Variants in SHC4 observed in about 807,000 individuals in gnomAD.
The protein encoded by SHC4 is SHC adaptor protein 4, also known as SHC-transforming protein 4.
SHC4 carries 41 observed loss-of-function variants against 69.4 expected under a neutral mutation model. The ratio of observed to expected loss-of-function variants is 0.59; its 90% CI spans 0.46 to 0.77. The LOEUF (loss-of-function observed/expected upper bound fraction) is 0.77. Among genes scored for constraint, SHC4 ranks in the 30% least tolerant of loss-of-function variants. SHC4 has a pLI of 0.00. For synonymous variants in SHC4, 318 were observed against 299.3 expected (o/e 1.06, Z -0.64); for missense variants, 777 against 783.8 (o/e 0.99, Z 0.10).
intron 9 of SHC4, among the ~76,000 whole-genome samples, chr15:48,846,536 G>A (rs1899095892): frequency 6.6e-6 from 1 of 152,006 alleles, no homozygotes; most frequent in South Asian, 2.1e-4. Flanking sequence ...TCTTTTTCAG[G>A]AAGCCTTCCC....
At chr15:48,839,239 T>G (rs924831175) in intron 10 of SHC4, among the ~76,000 whole-genome samples, 7 of 152,240 alleles carry the variant, frequency 4.6e-5, no homozygotes, top group Non-Finnish European at 8.8e-5. Flanking sequence ...GCCTCTAAGC[T>G]AATAAAATGG....
rs796148959 is a variant in SHC4, at chr15:48,848,014, AAAACAAAAAAAAC to A, written c.1303+3161_1303+3173del. ...CAAAACTCCGTCTAAAAAAAAAAAAAAAACAAAAAAAACAAACAAAAAAAACATAAAAACATAT... is the reference window on the plus strand; with the variant it reads ...CAAAACTCCGTCTAAAAAAAAAAAAAAAACAAAAAAAACATAAAAACATAT... On this transcript the variant is annotated intron_variant, in intron 9 of 11. Coordinates refer to ENST00000332408, the MANE Select transcript of SHC4 (RefSeq NM_203349.4). Among the ~76,000 whole-genome samples the A allele has an allele frequency of 3.2e-3, 479 of 151,030 alleles. 9 individuals carry two copies. In the East Asian group the frequency reaches 0.07, roughly 22 times the overall value.
intron 2 of SHC4, among the ~76,000 whole-genome samples, chr15:48,919,751 A>G (rs1248058373): frequency 1.3e-5 from 2 of 152,118 alleles, no homozygotes; most frequent in African/African-American, 2.4e-5. Context: ...CTCCTTAGAT[A>G]GGACTTCCTG....
At chr15:48,955,749 G>A (rs1032804390) in intron 1 of SHC4, among the ~76,000 whole-genome samples, 3 of 152,148 alleles carry the variant, frequency 2.0e-5, no homozygotes, top group African/African-American at 4.8e-5. Flanking sequence ...AAAAGCACAC[G>A]CAGCATTTTA....
Position 48,878,205 on chromosome 15 carries a change from T to C in SHC4, c.840+6043A>G, listed in dbSNP as rs748317757. On this transcript the variant is annotated intron_variant, in intron 4 of 11. Coordinates refer to ENST00000332408, the MANE Select transcript of SHC4 (RefSeq NM_203349.4). Reference sequence around the variant, plus strand: ...TCGGAAATGGCTGAGTTGTCCGAGCTGTATGAAGAGAGCAGTGACCTGCAG... The same window carrying C: ...TCGGAAATGGCTGAGTTGTCCGAGCCGTATGAAGAGAGCAGTGACCTGCAG... 8 of 1,576,768 alleles carry C rather than the reference T, an allele frequency of 5.1e-6. No homozygotes were observed. The highest frequency in any genetic ancestry group is 1.3e-5 in the African/African-American group (1 of 74,102).
At chr15:48,866,284 A>T (rs931830987) in intron 6 of SHC4, among the ~76,000 whole-genome samples, 1 of 152,246 alleles carries the variant, frequency 6.6e-6, no homozygotes, top group Non-Finnish European at 1.5e-5. Flanking sequence ...TCTCTCCTGC[A>T]CACTCTTTGA....
intron 10 of SHC4, among the ~76,000 whole-genome samples, chr15:48,839,119 A>G (rs991561612): frequency 6.6e-6 from 1 of 152,210 alleles, no homozygotes; most frequent in African/African-American, 2.4e-5. Flanking sequence ...CTGATCAAGT[A>G]AAAAGGAGAA....
chr15:48,832,456 C>T (rs1898824247), intron 11 of SHC4, among the ~76,000 whole-genome samples: 1 of 152,258 alleles, frequency 6.6e-6, no homozygotes, highest in East Asian at 1.9e-4. Context: ...TCTCTTGCTG[C>T]TTTCAAAATT....
chr15:48,825,156 G>GT lies in SHC4; in HGVS notation c.*814dup, dbSNP rs141055657. The GT allele has an allele frequency of 9.3e-4, 140 of 151,344 alleles. No homozygotes were observed. The highest frequency in any genetic ancestry group is 2.7e-3 in the African/African-American group (111 of 41,286). The allele number at this position is 151,344 out of a possible 1,614,324, so 9.4% of individuals were successfully genotyped here. A position where few individuals can be genotyped will look rare whatever the true frequency, so the allele number is the denominator to read the frequency against. On this transcript the variant is annotated 3_prime_UTR_variant, in exon 12 of 12. Coordinates refer to ENST00000332408, the MANE Select transcript of SHC4 (RefSeq NM_203349.4). ...TCCATGCACTCATGAGGTTTTTTTT[G>GT]TTTTTTTTGTTTTTTGTTTTTTGTC...
intron 5 of SHC4, 66 bp downstream of exon 5, chr15:48,872,023 A>T: frequency 1.0e-6 from 1 of 986,164 alleles, no homozygotes; most frequent in Non-Finnish European, 1.6e-6. Flanking sequence ...TTTTATTATC[A>T]TCCAGCCCCA....
intron 10 of SHC4, among the ~76,000 whole-genome samples, chr15:48,836,558 G>GA (rs1555431636): frequency 1.3e-5 from 2 of 149,280 alleles, no homozygotes; most frequent in Non-Finnish European, 3.0e-5. Context: ...CTTTTTTTTT[G>GA]TTTTTTTTTA....
At position 48,916,485 on chromosome 15, in the gene SHC4, G is replaced by T. The variant is rs192749736; in HGVS notation, c.656+8394C>A. ...CCAATTACAATAACTTCTGAATGATGATCTCTGTTTCCTTGTTGCTTTAGC... is the reference window on the plus strand; with the variant it reads ...CCAATTACAATAACTTCTGAATGATTATCTCTGTTTCCTTGTTGCTTTAGC... On this transcript the variant is annotated intron_variant, in intron 2 of 11. Transcript: ENST00000332408. 4.7e-5 allele frequency among the ~76,000 whole-genome samples: 7 copies of T among 150,136 alleles called. No homozygotes were observed. The East Asian group carries it at 1.2e-3, about 26-fold the overall frequency.
At chr15:48,943,882 T>C (rs1567076054) in intron 1 of SHC4, among the ~76,000 whole-genome samples, 1 of 152,010 alleles carries the variant, frequency 6.6e-6, no homozygotes, top group Non-Finnish European at 1.5e-5. Flanking sequence ...AATAACATCC[T>C]CTCACATCTC....
At chr15:48,902,544 C>T (rs57665327) in intron 2 of SHC4, among the ~76,000 whole-genome samples, 20,524 of 152,102 alleles carry the variant, frequency 0.13, 1,484 homozygotes, top group East Asian at 0.18. Context: ...ACTCATTCCT[C>T]CAGTTGCTGG....
At chr15:48,872,874 T>C (rs1392477801) in intron 4 of SHC4, among the ~76,000 whole-genome samples, 1 of 152,230 alleles carries the variant, frequency 6.6e-6, no homozygotes, top group African/African-American at 2.4e-5. Flanking sequence ...CAGAGACATA[T>C]CTGTCATGCT....
chr15:48,872,421 A>G (rs1899696616), intron 4 of SHC4, among the ~76,000 whole-genome samples: 2 of 152,208 alleles, frequency 1.3e-5, no homozygotes, highest in Admixed American at 1.3e-4. Context: ...GAGCCAATCA[A>G]TGTATTTTGG....
In SHC4 at chr15:48,843,465, C is replaced by T; in HGVS notation, c.1427G>A (p.Gly476Asp). Residue 476 changes from glycine to aspartate, a missense_variant, in exon 10 of 12, where the codon GGC becomes GAC. Transcript: ENST00000332408. ...GGCTGACCTTTGATTTCCAGCAGAG[C>T]CAGGTGTACTTTGAAGAGCCTGTGT... ...INTQALQSTP[G>D]SAGNQRSAQP... The T allele has an allele frequency of 1.2e-6, 2 of 1,614,096 alleles. No homozygotes were observed. Among genetic ancestry groups the T allele is most frequent in the South Asian group, 2.2e-5 (2 of 91,070 alleles).
In SHC4 at chr15:48,867,856, T is replaced by C. The variant is rs768496824; in HGVS notation, c.908A>G (p.Tyr303Cys). The C allele has an allele frequency of 3.1e-6, 5 of 1,613,216 alleles. No individual in the cohort carries two copies. The highest frequency in any genetic ancestry group is 4.5e-5 in the East Asian group (2 of 44,828). ...ASGGDPDTTDYVAYVAKDPVN... is the reference protein window; with the variant it reads ...ASGGDPDTTDCVAYVAKDPVN... ...TGGATCTTTAGCTACGTAGGCAACATAGTCTGTAGTATCCTATAAAAAAGG... is the reference window on the plus strand; with the variant it reads ...TGGATCTTTAGCTACGTAGGCAACACAGTCTGTAGTATCCTATAAAAAAGG... Residue 303 changes from tyrosine to cysteine, a missense_variant, in exon 6 of 12, where the codon TAT (tyrosine) becomes TGT (cysteine). Physicochemically the swap from Tyr to Cys is radical, Grantham distance 194. Coordinates refer to ENST00000332408, the MANE Select transcript of SHC4 (RefSeq NM_203349.4).
chr15:48,847,935 G>T (rs1228421327), intron 9 of SHC4, among the ~76,000 whole-genome samples: 1 of 149,142 alleles, frequency 6.7e-6, no homozygotes, highest in East Asian at 2.0e-4. Context: ...CCGGGAGGCA[G>T]AGATTGCAGT....
Sources: allele counts gnomAD v4.1 joint callset (sites outside exome capture counted in the v4.1 genomes callset), GRCh38; gene constraint gnomAD v4.1.1; transcripts MANE v1.5; gene names NCBI Gene and HGNC (gene_info 2026-07-23, HGNC 2026-07-21).